Variants in ZNF107 observed in about 807,000 individuals in gnomAD.
ZNF107 encodes the protein zinc finger protein 107.
Under a neutral mutation model 12.3 loss-of-function variants are expected in ZNF107, and 19 were observed. The observed-to-expected ratio is 1.55, with a 90% confidence interval of 1.08 to 2.27. The LOEUF (loss-of-function observed/expected upper bound fraction) is 2.27. Ranked by LOEUF, ZNF107 falls within the 30% of genes most tolerant of loss-of-function variation. ZNF107 has a pLI of 0.00. For missense variants in ZNF107, 958 were observed against 979.9 expected (o/e 0.98, Z 0.30); for synonymous variants, 317 against 330.5 (o/e 0.96, Z 0.44).
rs376161398 is a variant in ZNF107 at position 64,693,314 on chromosome 7, G to GT, written c.226+1370dup. Among the ~76,000 whole-genome samples, 1,015 of 134,834 alleles carry GT rather than the reference G, an allele frequency of 7.5e-3. 2 individuals are homozygous for GT. The highest frequency in any genetic ancestry group is 0.013 in the African/African-American group (469 of 36,878). 88.5% of individuals were successfully genotyped at this position (134,834 alleles called of 152,430 possible). A position where few individuals can be genotyped will look rare whatever the true frequency, so the allele number is the denominator to read the frequency against. Reference sequence around the variant, plus strand: ...AGGCGTGAGCCACCACGCCTGGCCAGTTTTTTTTTTTTTTTTCTTAACTAA... The same window carrying GT: ...AGGCGTGAGCCACCACGCCTGGCCAGTTTTTTTTTTTTTTTTTCTTAACTAA... On this transcript the variant is annotated intron_variant, in intron 3 of 3. Transcript: ENST00000620827.
In ZNF107 at chr7:64,709,267, G is replaced by T; in HGVS notation, c.*611G>T. ...GATTCTCAACTCTTACTACATGTAAGAGTATTTATACTGGAAAGAAACCCT... is the reference window on the plus strand; with the variant it reads ...GATTCTCAACTCTTACTACATGTAATAGTATTTATACTGGAAAGAAACCCT... On this transcript the variant is annotated 3_prime_UTR_variant, in exon 4 of 4. Transcript: ENST00000620827. The T allele has an allele frequency of 2.8e-6, 1 of 363,066 alleles. No homozygotes were observed. The highest frequency in any genetic ancestry group is 2.4e-5 in the South Asian group (1 of 42,342). The allele number at this position is 363,066 out of a possible 1,614,324, so 22.5% of individuals were successfully genotyped here.
intron 3 of ZNF107, among the ~76,000 whole-genome samples, chr7:64,702,235 G>A (rs970807213): frequency 2.6e-5 from 4 of 151,374 alleles, no homozygotes; most frequent in South Asian, 2.1e-4. Context: ...TGCAACCTCC[G>A]CCCCACTAGG....
chr7:64,673,302 A>G (rs1224110974), intron 1 of ZNF107, among the ~76,000 whole-genome samples: 1 of 152,232 alleles, frequency 6.6e-6, no homozygotes, highest in Non-Finnish European at 1.5e-5. Context: ...TTGGCCTCCC[A>G]AAGTGCTGGG....
chr7:64,705,355 T>C (rs1160966341), intron 3 of ZNF107, among the ~76,000 whole-genome samples: 1 of 152,060 alleles, frequency 6.6e-6, no homozygotes, highest in Non-Finnish European at 1.5e-5. Context: ...AATATTTTTG[T>C]TGGTATTCTC....
Position 64,709,259 on chromosome 7 carries a change from A to G in ZNF107, c.*603A>G. ...TTTTAACTGATTCTCAACTCTTACT[A>G]CATGTAAGAGTATTTATACTGGAAA... On this transcript the variant is annotated 3_prime_UTR_variant, in exon 4 of 4. Transcript: ENST00000620827. 2 of 369,282 alleles carry G rather than the reference A, an allele frequency of 5.4e-6. No individual in the cohort carries two copies. Among genetic ancestry groups the G allele is most frequent in the Admixed American group, 7.4e-5 (2 of 26,864 alleles). The allele number at this position is 369,282 out of a possible 1,614,324, so 22.9% of individuals were successfully genotyped here.
At chr7:64,702,126 A>G (rs1471301606) in intron 3 of ZNF107, among the ~76,000 whole-genome samples, 2 of 151,804 alleles carry the variant, frequency 1.3e-5, no homozygotes, top group South Asian at 2.1e-4. Flanking sequence ...TGGAGATTAC[A>G]TAAAACATCT....
chr7:64,672,153 A>G (rs1789256070), intron 1 of ZNF107, among the ~76,000 whole-genome samples: 1 of 151,500 alleles, frequency 6.6e-6, no homozygotes, highest in African/African-American at 2.4e-5. Flanking sequence ...CTTTGTGTCC[A>G]TGTGTTCTTA....
At chr7:64,677,851 C>CAA (rs36080718) in intron 1 of ZNF107, among the ~76,000 whole-genome samples, 64 of 77,850 alleles carry the variant, frequency 8.2e-4, no homozygotes, top group Non-Finnish European at 9.0e-4. Flanking sequence ...GACTCTGTCT[C>CAA]AAAAAAAAAA....
At chr7:64,705,527 T>C (rs1321784517) in intron 3 of ZNF107, among the ~76,000 whole-genome samples, 1 of 152,170 alleles carries the variant, frequency 6.6e-6, no homozygotes, top group African/African-American at 2.4e-5. Flanking sequence ...TAATATTTTT[T>C]ATACGTTGTA....
chr7:64,669,904 A>G (rs9638383), intron 1 of ZNF107, among the ~76,000 whole-genome samples: 7,141 of 152,302 alleles, frequency 0.047, 448 homozygotes, highest in African/African-American at 0.14. Flanking sequence ...ATTAAAGCTT[A>G]TGCCCAGTGA....
intron 3 of ZNF107, among the ~76,000 whole-genome samples, chr7:64,703,513 T>C (rs930371902): frequency 2.6e-5 from 4 of 152,196 alleles, no homozygotes; most frequent in African/African-American, 9.7e-5. Context: ...CACTGTAACC[T>C]CCACCTCTCA....
At chr7:64,699,354 A>G (rs1044688444) in intron 3 of ZNF107, among the ~76,000 whole-genome samples, 2 of 152,012 alleles carry the variant, frequency 1.3e-5, no homozygotes, top group East Asian at 1.9e-4. Context: ...TTTGCTTTTA[A>G]TTAGTAGGTT....
intron 1 of ZNF107, among the ~76,000 whole-genome samples, chr7:64,682,793 C>T (rs968763106): frequency 2.0e-5 from 3 of 152,100 alleles, no homozygotes; most frequent in Admixed American, 1.3e-4. Flanking sequence ...AACTACTCTC[C>T]TCCCATCTCC....
intron 3 of ZNF107, among the ~76,000 whole-genome samples, chr7:64,694,576 A>AG: frequency 6.7e-6 from 1 of 150,224 alleles, no homozygotes; most frequent in East Asian, 2.0e-4. Flanking sequence ...TTTATAACTG[A>AG]GGCTGGTCTT....
chr7:64,674,494 T>G (rs1789348558), intron 1 of ZNF107, among the ~76,000 whole-genome samples: 1 of 152,224 alleles, frequency 6.6e-6, no homozygotes, highest in African/African-American at 2.4e-5. Context: ...TTTTTCAGTT[T>G]AAAGAGCTTT....
chr7:64,706,966 G>A lies in ZNF107; in HGVS notation c.869G>A (p.Cys290Tyr). The A allele has an allele frequency of 6.2e-7, 1 of 1,613,562 alleles. No homozygotes were observed. Among genetic ancestry groups the A allele is most frequent in the Non-Finnish European group, 8.5e-7 (1 of 1,179,762 alleles). The change falls in exon 4 of 4, where the codon TGT becomes TAT. Residue 290 changes from cysteine (C) to tyrosine (Y), a missense_variant. Transcript: ENST00000620827. The stretch of plus-strand genomic sequence containing the variant: ...GAAAAACCTTACAAATATGAAGAAT[G>A]TGGCAAAGTCTTTAGCCAGTCCTCA... ...TGEKPYKYEE[C>Y]GKVFSQSSHL...
Position 64,708,573 on chromosome 7 carries a change from T to G in ZNF107, c.2476T>G (p.Phe826Val). The change falls in exon 4 of 4, where the codon TTC becomes GTC. Residue 826 changes from phenylalanine to valine, a missense_variant. Coordinates refer to ENST00000620827, the MANE Select transcript of ZNF107 (RefSeq NM_001282359.2). The stretch of plus-strand genomic sequence containing the variant: ...CAAATGTGGAGATTATGGCAGAGCT[T>G]TCAACCTATCCTCAAATCTTACTAC... ...PYKCGDYGRA[F>V]NLSSNLTTHK... The G allele has an allele frequency of 1.2e-6, 2 of 1,612,736 alleles. No individual in the cohort carries two copies. The highest frequency in any genetic ancestry group is 1.7e-6 in the Non-Finnish European group (2 of 1,179,346).
Position 64,707,675 on chromosome 7 carries a change from A to G in ZNF107, c.1578A>G (p.Glu526=), listed in dbSNP as rs1401386793. 5 of 1,612,698 alleles carry G rather than the reference A, an allele frequency of 3.1e-6. No homozygotes were observed. The highest frequency in any genetic ancestry group is 2.7e-5 in the African/African-American group (2 of 74,866). Residue 526 remains glutamate, a synonymous_variant, in exon 4 of 4, where the codon GAA becomes GAG. Transcript: ENST00000620827. ...TTAGCCAGTCTTCAAACCTTACTGA[A>G]CATAAGAAAATTCATACTGGAGAGA... The part of the protein sequence containing the change: ...RAFSQSSNLT[E]HKKIHTGEKP...
Position 64,666,258 on chromosome 7 carries a change from G to T in ZNF107, c.-25G>T. 1 of 1,608,348 alleles carries T rather than the reference G, an allele frequency of 6.2e-7. No homozygotes were observed. The highest frequency in any genetic ancestry group is 8.5e-7 in the Non-Finnish European group (1 of 1,176,766). Reference sequence around the variant, plus strand: ...ATATTGGGAGATCCACAGCTAAGACGCCGGGACTCCCTGGAAACCTAGAAA... The same window carrying T: ...ATATTGGGAGATCCACAGCTAAGACTCCGGGACTCCCTGGAAACCTAGAAA... On this transcript the variant is annotated 5_prime_UTR_variant, in exon 1 of 4. Coordinates refer to ENST00000620827, the MANE Select transcript of ZNF107 (RefSeq NM_001282359.2).
Sources: allele counts gnomAD v4.1 joint callset (sites outside exome capture counted in the v4.1 genomes callset), GRCh38; gene constraint gnomAD v4.1.1; transcripts MANE v1.5; gene names NCBI Gene and HGNC (gene_info 2026-07-23, HGNC 2026-07-21).